HNRNPC: variants seen among roughly 807,000 people sequenced by gnomAD.
HNRNPC encodes heterogeneous nuclear ribonucleoprotein C, also known as heterogeneous nuclear ribonucleoproteins C1/C2.
Under a neutral mutation model 33.2 loss-of-function variants are expected in HNRNPC, and 3 were observed. The observed-to-expected ratio is 0.09, with a 90% confidence interval of 0.04 to 0.23. The LOEUF is 0.23. Among genes scored for constraint, HNRNPC ranks in the 10% least tolerant of loss-of-function variants. HNRNPC has a pLI of 1.00. For synonymous variants in HNRNPC, 121 were observed against 126.7 expected (o/e 0.96, Z 0.30); for missense variants, 143 against 366.7 (o/e 0.39, Z 4.98).
chr14:21,218,761 A>T (rs1325179784), intron 5 of HNRNPC, among the ~76,000 whole-genome samples: 1 of 148,824 alleles, frequency 6.7e-6, no homozygotes, highest in East Asian at 2.0e-4. Flanking sequence ...GCACTTTGGA[A>T]GGCCAAGGCA....
At chr14:21,239,856 CGT>C (rs1566623042) in intron 2 of HNRNPC, among the ~76,000 whole-genome samples, 2 of 151,924 alleles carry the variant, frequency 1.3e-5, no homozygotes, top group African/African-American at 4.8e-5. Flanking sequence ...CCTTGGCAAC[CGT>C]GTGAGACTGG....
chr14:21,233,148 T>A (rs1894301662), intron 3 of HNRNPC, among the ~76,000 whole-genome samples: 1 of 152,098 alleles, frequency 6.6e-6, no homozygotes, highest in Admixed American at 6.5e-5. Flanking sequence ...TGAAACCATA[T>A]AAAGTGTTTC....
intron 2 of HNRNPC, among the ~76,000 whole-genome samples, chr14:21,260,960 CAAAAA>C (rs71112564): frequency 3.4e-5 from 3 of 88,518 alleles, no homozygotes; most frequent in Admixed American, 1.2e-4. Context: ...GAGACTGTCT[CAAAAA>C]AAAAAAAAAA....
At chr14:21,214,048 T>G (rs970546297) in intron 5 of HNRNPC, among the ~76,000 whole-genome samples, 19 of 152,186 alleles carry the variant, frequency 1.2e-4, no homozygotes, top group African/African-American at 4.6e-4. Flanking sequence ...TGGACATCAG[T>G]TCTAAACTTT....
chr14:21,212,603 C>T (rs1891738584), intron 6 of HNRNPC, among the ~76,000 whole-genome samples: 1 of 151,692 alleles, frequency 6.6e-6, no homozygotes, highest in Non-Finnish European at 1.5e-5. Flanking sequence ...AGTGCAATGG[C>T]ATGATCTCGG....
chr14:21,251,311 A>G (rs1245945569), intron 2 of HNRNPC, among the ~76,000 whole-genome samples: 8 of 150,926 alleles, frequency 5.3e-5, no homozygotes, highest in Non-Finnish European at 1.0e-4. Context: ...TATCTTACAG[A>G]AAGTTTCAAT....
At chr14:21,213,142 T>C in intron 5 of HNRNPC, 25 bp from the exon 6 acceptor site, 1 of 1,610,894 alleles carries the variant, frequency 6.2e-7, no homozygotes, top group Non-Finnish European at 8.5e-7. Flanking sequence ...GAAAATGGAA[T>C]TCATTCAAAC....
chr14:21,236,342 T>C (rs933217906), intron 2 of HNRNPC: 4 of 152,214 alleles, frequency 2.6e-5, no homozygotes, highest in African/African-American at 9.7e-5. Context: ...TTCCAAAGTT[T>C]GCCTAAAATT....
chr14:21,253,464 A>C (rs1412334649), intron 2 of HNRNPC, among the ~76,000 whole-genome samples: 1 of 66,736 alleles, frequency 1.5e-5, no homozygotes. Flanking sequence ...TCCATCTCAA[A>C]AAAAAAAAAA....
chr14:21,226,327 G>GAAAAAAA (rs374686866), intron 5 of HNRNPC, among the ~76,000 whole-genome samples: 2 of 110,598 alleles, frequency 1.8e-5, no homozygotes, highest in African/African-American at 3.3e-5. Flanking sequence ...GTTTCCAAAA[G>GAAAAAAA]AAAAAAAAAA....
chr14:21,228,904 G>T (rs944041602), intron 5 of HNRNPC, among the ~76,000 whole-genome samples: 1 of 151,086 alleles, frequency 6.6e-6, no homozygotes, highest in African/African-American at 2.4e-5. Context: ...GGCCAACATG[G>T]TGAAACCCAG....
At chr14:21,223,918 C>G (rs529172806) in intron 5 of HNRNPC, among the ~76,000 whole-genome samples, 1 of 152,182 alleles carries the variant, frequency 6.6e-6, no homozygotes, top group East Asian at 1.9e-4. Context: ...ACTTCCAAGC[C>G]CAGAGTACCC....
intron 2 of HNRNPC, among the ~76,000 whole-genome samples, chr14:21,250,000 C>T (rs1443879588): frequency 1.3e-5 from 2 of 152,056 alleles, no homozygotes; most frequent in Non-Finnish European, 2.9e-5. Flanking sequence ...TAATAAAACA[C>T]AGGAAGGTCT....
rs1891817379 is a variant in HNRNPC at position 21,213,291 on chromosome 14, T to C, written c.366-174A>G. The C allele has an allele frequency of 3.4e-5, 21 of 620,008 alleles. No individual in the cohort carries two copies. In the South Asian group the frequency reaches 3.4e-4, roughly 10 times the overall value. 38.4% of individuals were successfully genotyped at this position (620,008 alleles called of 1,614,324 possible). A position where few individuals can be genotyped will look rare whatever the true frequency, so the allele number is the denominator to read the frequency against. ...AGTGGGGTTTAGAAATCTTATCCCA[T>C]TATTTCTTTACCTAGGCACATAAAA... On this transcript the variant is annotated intron_variant, in intron 5 of 8. Transcript: ENST00000553300.
intron 1 of HNRNPC, chr14:21,265,197 T>C (rs1253397506): frequency 1.3e-5 from 2 of 152,194 alleles, no homozygotes; most frequent in Middle Eastern, 6.3e-3. Context: ...TTGTGAAGAA[T>C]TGTAAGAAAT....
At chr14:21,257,159 G>C (rs1877360382) in intron 2 of HNRNPC, among the ~76,000 whole-genome samples, 1 of 152,158 alleles carries the variant, frequency 6.6e-6, no homozygotes. Context: ...TTGTCATGCA[G>C]GTAAACTGAA....
At chr14:21,230,436 A>G in intron 4 of HNRNPC, 70 bp from the exon 5 acceptor site, 1 of 1,087,204 alleles carries the variant, frequency 9.2e-7, no homozygotes, top group Non-Finnish European at 1.4e-6. Context: ...AGGTGAGGGG[A>G]GAACCATGCC....
chr14:21,226,984 A>C (rs954729621), intron 5 of HNRNPC, among the ~76,000 whole-genome samples: 2 of 152,036 alleles, frequency 1.3e-5, no homozygotes, highest in Non-Finnish European at 1.5e-5. Context: ...TTCTTTGATT[A>C]AACAATTTAA....
At chr14:21,246,288 G>A (rs575205386) in intron 2 of HNRNPC, among the ~76,000 whole-genome samples, 109 of 152,090 alleles carry the variant, frequency 7.2e-4, no homozygotes, top group Non-Finnish European at 1.2e-3. Context: ...GGCTGGGCGC[G>A]GTGGCTCATG....
Sources: allele counts gnomAD v4.1 joint callset (sites outside exome capture counted in the v4.1 genomes callset), GRCh38; gene constraint gnomAD v4.1.1; transcripts MANE v1.5; gene names NCBI Gene and HGNC (gene_info 2026-07-23, HGNC 2026-07-21).